The following CA10 variants were observed in gnomAD, a reference collection of about 807,000 sequenced individuals.
CA10 encodes the protein carbonic anhydrase 10 (inactive).
Under a neutral mutation model 44.2 loss-of-function variants are expected in CA10, and 14 were observed. The observed-to-expected ratio is 0.32, with a 90% confidence interval of 0.21 to 0.50. The LOEUF (loss-of-function observed/expected upper bound fraction) is 0.50. Ranked by LOEUF, CA10 falls within the 20% of genes least tolerant of loss-of-function variation. The pLI is 0.99. For missense variants in CA10, 350 were observed against 409.7 expected, an observed-to-expected ratio of 0.85 and a Z score of 1.26; for synonymous variants, 159 against 141.6, an observed-to-expected ratio of 1.12 and a Z score of -0.87.
intron 4 of CA10, among the ~76,000 whole-genome samples, chr17:51,662,721 T>G (rs1421949489): frequency 2.0e-5 from 3 of 152,200 alleles, no homozygotes; most frequent in African/African-American, 7.2e-5. Context: ...GGTGATGAGA[T>G]TTTCTGCATT....
At chr17:51,755,449 C>T (rs1905048091) in intron 3 of CA10, among the ~76,000 whole-genome samples, 1 of 152,204 alleles carries the variant, frequency 6.6e-6, no homozygotes. Context: ...TAAGTAGCTA[C>T]TTGCTTGATG....
intron 1 of CA10, among the ~76,000 whole-genome samples, chr17:52,118,351 T>TTTGG (rs1988942282): frequency 6.6e-6 from 1 of 152,202 alleles, no homozygotes; most frequent in Admixed American, 6.5e-5. Context: ...TCTTCCCTGT[T>TTTGG]AATGAGTAAA....
intron 2 of CA10, among the ~76,000 whole-genome samples, chr17:51,959,289 T>C (rs1329141983): frequency 1.7e-5 from 1 of 58,272 alleles, no homozygotes; most frequent in Non-Finnish European, 3.6e-5. Flanking sequence ...TCTCTGTGTG[T>C]GTGTGTGTGT....
intron 2 of CA10, among the ~76,000 whole-genome samples, chr17:52,013,109 G>T (rs1052392737): frequency 1.6e-4 from 25 of 151,904 alleles, no homozygotes; most frequent in African/African-American, 6.0e-4. Flanking sequence ...AAACAAAATT[G>T]CTCTATAGAA....
chr17:51,974,616 A>G (rs1984400086), intron 2 of CA10, among the ~76,000 whole-genome samples: 1 of 152,038 alleles, frequency 6.6e-6, no homozygotes, highest in South Asian at 2.1e-4. Context: ...AGGAGAAGAG[A>G]GAGAAAAATT....
intron 1 of CA10, among the ~76,000 whole-genome samples, chr17:52,093,186 A>C (rs774391627): frequency 9.9e-5 from 15 of 152,166 alleles, no homozygotes; most frequent in Non-Finnish European, 2.9e-5. Flanking sequence ...AAGAGGACAT[A>C]GTTGGGGAAA....
chr17:52,001,087 AC>A, intron 2 of CA10, among the ~76,000 whole-genome samples: 1 of 104,960 alleles, frequency 9.5e-6, no homozygotes, highest in East Asian at 2.1e-4. Flanking sequence ...GGCTTAGTCT[AC>A]GAAGACCTGG....
At chr17:51,725,354 A>G (rs1167033333) in intron 4 of CA10, among the ~76,000 whole-genome samples, 12 of 152,262 alleles carry the variant, frequency 7.9e-5, no homozygotes, top group Admixed American at 6.5e-5. Flanking sequence ...GAACTTTAAT[A>G]GAATGCACAC....
intron 3 of CA10, among the ~76,000 whole-genome samples, chr17:51,830,000 C>G (rs1333900974): frequency 6.6e-6 from 1 of 151,934 alleles, no homozygotes; most frequent in Non-Finnish European, 1.5e-5. Context: ...AGATCGAGAC[C>G]ATTCTGGCCA....
At position 51,700,511 on chromosome 17, in the gene CA10, G is replaced by A. The variant is rs566048112; in HGVS notation, c.466-46775C>T. ...ATGGCACAGTTCCATGGGCCTCCACGGCACCTGCTTCCTCTGCTGCCACAT... is the reference window on the plus strand; with the variant it reads ...ATGGCACAGTTCCATGGGCCTCCACAGCACCTGCTTCCTCTGCTGCCACAT... On this transcript the variant is annotated intron_variant, in intron 4 of 8. Transcript: ENST00000451037. Among the ~76,000 whole-genome samples, 79 of 152,132 alleles carry A rather than the reference G, an allele frequency of 5.2e-4. 1 individual carries two copies. The highest frequency in any genetic ancestry group is 1.3e-3 in the African/African-American group (56 of 41,492).
chr17:52,035,879 A>G (rs993929025), intron 2 of CA10, among the ~76,000 whole-genome samples: 1 of 152,246 alleles, frequency 6.6e-6, no homozygotes. Flanking sequence ...AGCATTTAGT[A>G]CAGAAGTTGA....
intron 2 of CA10, among the ~76,000 whole-genome samples, chr17:52,038,769 T>TG (rs1283058360): frequency 2.6e-5 from 4 of 151,664 alleles, no homozygotes; most frequent in Non-Finnish European, 4.4e-5. Flanking sequence ...ACTTCCTCCC[T>TG]GCTCTACACT....
At chr17:51,873,404 A>C (rs184505311) in intron 3 of CA10, among the ~76,000 whole-genome samples, 2 of 152,300 alleles carry the variant, frequency 1.3e-5, no homozygotes, top group East Asian at 3.9e-4. Context: ...CACAGAGTGC[A>C]GTGCATTAGG....
intron 3 of CA10, among the ~76,000 whole-genome samples, chr17:51,876,155 CTCTCG>C (rs1980063042): frequency 7.5e-6 from 1 of 132,818 alleles, no homozygotes; most frequent in African/African-American, 2.8e-5. Flanking sequence ...TTTATTTCTT[CTCTCG>C]TTTTTTTTTT....
intron 3 of CA10, among the ~76,000 whole-genome samples, chr17:51,927,266 C>T (rs1366791559): frequency 1.3e-5 from 2 of 152,090 alleles, no homozygotes; most frequent in African/African-American, 2.4e-5. Context: ...AAGCAATTGT[C>T]ATGTCCTTAA....
chr17:51,880,028 G>A (rs1376815206), intron 3 of CA10, among the ~76,000 whole-genome samples: 5 of 152,098 alleles, frequency 3.3e-5, no homozygotes, highest in African/African-American at 1.2e-4. Flanking sequence ...ATGCAAACTG[G>A]CCAATCCAGA....
At chr17:51,667,303 G>A (rs956275698) in intron 4 of CA10, among the ~76,000 whole-genome samples, 2 of 152,186 alleles carry the variant, frequency 1.3e-5, no homozygotes, top group Admixed American at 1.3e-4. Flanking sequence ...ATGGACAGTG[G>A]GGTCTGAGCA....
Position 51,699,716 on chromosome 17 carries a change from C to T in CA10, c.466-45980G>A, listed in dbSNP as rs182526781. Among the ~76,000 whole-genome samples the T allele has an allele frequency of 4.8e-3, 737 of 152,296 alleles. 10 individuals carry two copies. The highest frequency in any genetic ancestry group is 0.017 in the African/African-American group (697 of 41,556). On this transcript the variant is annotated intron_variant, in intron 4 of 8. Transcript: ENST00000451037. ...TGTCCCGACAGATGGCCCATGGTAA[C>T]GGGGCATTGCTGATCTTGTTACAAT...
At chr17:52,067,803 C>T (rs1987575255) in intron 2 of CA10, among the ~76,000 whole-genome samples, 1 of 152,320 alleles carries the variant, frequency 6.6e-6, no homozygotes, top group South Asian at 2.1e-4. Context: ...GGATTTTGGA[C>T]TTGCATGGGG....
Sources: gnomAD v4.1 joint callset for allele counts (sites outside exome capture counted in the v4.1 genomes callset) on GRCh38, gnomAD v4.1.1 for gene constraint, MANE v1.5 for transcripts, NCBI Gene and HGNC (gene_info 2026-07-23, HGNC 2026-07-21) for gene names.